STK39: variants seen among roughly 807,000 people sequenced by gnomAD.
STK39 encodes STE20/SPS1-related proline-alanine-rich protein kinase.
STK39 carries 20 observed loss-of-function variants against 77.8 expected under a neutral mutation model. The ratio of observed to expected loss-of-function variants is 0.26; its 90% CI spans 0.18 to 0.37. The LOEUF (loss-of-function observed/expected upper bound fraction) is 0.37. Ranked by LOEUF, STK39 falls within the 10% of genes least tolerant of loss-of-function variation. The pLI is 1.00. For missense variants in STK39, 479 were observed against 656.5 expected (o/e 0.73, Z 2.95); for synonymous variants, 246 against 234.1 (o/e 1.05, Z -0.47).
intron 16 of STK39, among the ~76,000 whole-genome samples, chr2:167,975,127 C>T (rs1198664851): frequency 2.0e-5 from 3 of 152,164 alleles, no homozygotes; most frequent in African/African-American, 7.2e-5. Context: ...CCACCTTGTC[C>T]TTCCTGAGTC....
intron 10 of STK39, among the ~76,000 whole-genome samples, chr2:168,079,060 G>A (rs1391216014): frequency 6.6e-6 from 1 of 152,212 alleles, no homozygotes; most frequent in Non-Finnish European, 1.5e-5. Context: ...ATTAATTGCT[G>A]TTTATCATGT....
At chr2:167,999,475 T>A (rs2105294945) in intron 16 of STK39, among the ~76,000 whole-genome samples, 1 of 152,248 alleles carries the variant, frequency 6.6e-6, no homozygotes, top group South Asian at 2.1e-4. Flanking sequence ...ATTTTTATCT[T>A]TTTTGAGATG....
chr2:168,014,494 A>C (rs1408486847), intron 15 of STK39, among the ~76,000 whole-genome samples: 1 of 151,070 alleles, frequency 6.6e-6, no homozygotes, highest in Admixed American at 6.6e-5. Context: ...AAAAATAAAA[A>C]AAAAACACCT....
intron 5 of STK39, among the ~76,000 whole-genome samples, chr2:168,146,341 G>GT (rs1688139126): frequency 6.6e-6 from 1 of 152,200 alleles, no homozygotes; most frequent in Non-Finnish European, 1.5e-5. Context: ...AACTTCTACA[G>GT]TATCTGCTAT....
At chr2:168,105,541 G>C (rs1686947343) in intron 10 of STK39, among the ~76,000 whole-genome samples, 1 of 152,208 alleles carries the variant, frequency 6.6e-6, no homozygotes. Flanking sequence ...AGGGAGCCTG[G>C]GCTCGAAAGT....
At chr2:168,039,271 T>C (rs1221778349) in intron 14 of STK39, among the ~76,000 whole-genome samples, 1 of 152,058 alleles carries the variant, frequency 6.6e-6, no homozygotes, top group East Asian at 1.9e-4. Flanking sequence ...TAAAAGTCTA[T>C]AAAATTCAAG....
At chr2:168,234,709 T>C (rs557886730) in intron 1 of STK39, among the ~76,000 whole-genome samples, 64 of 152,338 alleles carry the variant, frequency 4.2e-4, no homozygotes, top group Middle Eastern at 3.4e-3. Context: ...TATATTTACA[T>C]ATAACCTGGT....
intron 16 of STK39, among the ~76,000 whole-genome samples, chr2:167,981,048 A>G (rs1683405119): frequency 6.8e-6 from 1 of 146,518 alleles, no homozygotes; most frequent in Non-Finnish European, 1.5e-5. Flanking sequence ...TAGGCCACAG[A>G]GTAAAAAAAA....
intron 1 of STK39, among the ~76,000 whole-genome samples, chr2:168,214,299 T>C (rs1484196993): frequency 6.6e-6 from 1 of 151,766 alleles, no homozygotes; most frequent in Non-Finnish European, 1.5e-5. Context: ...GTACATTTTA[T>C]CTACGTAAAT....
At chr2:167,968,049 T>C (rs1424642874) in intron 16 of STK39, among the ~76,000 whole-genome samples, 3 of 152,088 alleles carry the variant, frequency 2.0e-5, no homozygotes, top group Admixed American at 2.0e-4. Flanking sequence ...TATTTGGTTT[T>C]CTGTCCCTGT....
chr2:168,182,678 T>C (rs564124775), intron 1 of STK39, among the ~76,000 whole-genome samples: 104 of 152,340 alleles, frequency 6.8e-4, no homozygotes, highest in African/African-American at 2.5e-3. Flanking sequence ...TAAGGTTTCA[T>C]GATCATTAGC....
At chr2:168,149,105 G>A (rs1252641251) in intron 5 of STK39, among the ~76,000 whole-genome samples, 3 of 152,196 alleles carry the variant, frequency 2.0e-5, no homozygotes, top group Non-Finnish European at 2.9e-5. Flanking sequence ...TCACCTTATT[G>A]ATATAAGCCA....
intron 2 of STK39, among the ~76,000 whole-genome samples, chr2:168,169,726 CT>C (rs1688777118): frequency 6.6e-6 from 1 of 151,840 alleles, no homozygotes; most frequent in Admixed American, 6.6e-5. Context: ...CTTCAAAACT[CT>C]GAGTCTTAGA....
chr2:168,171,360 G>T (rs567321872), intron 2 of STK39, among the ~76,000 whole-genome samples: 1 of 151,622 alleles, frequency 6.6e-6, no homozygotes, highest in East Asian at 1.9e-4. Flanking sequence ...CATTACGCGC[G>T]TCATGCTAGG....
At chr2:168,143,479 A>G (rs190783314) in intron 5 of STK39, among the ~76,000 whole-genome samples, 12 of 152,176 alleles carry the variant, frequency 7.9e-5, no homozygotes, top group Non-Finnish European at 1.8e-4. Context: ...TTGGGAGGCC[A>G]ATGCAAGTGG....
At chr2:168,096,295 A>C (rs546364030) in intron 10 of STK39, among the ~76,000 whole-genome samples, 1 of 152,322 alleles carries the variant, frequency 6.6e-6, no homozygotes, top group South Asian at 2.1e-4. Context: ...TACCAACAAA[A>C]GGCCTCTGCA....
rs560108958 is a variant in STK39 at position 167,998,426 on chromosome 2, T to C, written c.1498+14208A>G. ...GAACATGAATATTTTACGTATTCTG[T>C]ACTCTATTATAATGATAATAGTTCT... On this transcript the variant is annotated intron_variant, in intron 16 of 17. Coordinates refer to ENST00000355999, the MANE Select transcript of STK39 (RefSeq NM_013233.3). 1.6e-4 allele frequency among the ~76,000 whole-genome samples: 24 copies of C among 152,364 alleles called. No homozygotes were observed. The South Asian group carries it at 4.8e-3, about 30-fold the overall frequency.
chr2:167,970,429 G>A (rs747365136), intron 16 of STK39, among the ~76,000 whole-genome samples: 9 of 152,100 alleles, frequency 5.9e-5, no homozygotes, highest in African/African-American at 1.2e-4. Flanking sequence ...CTAGTACACC[G>A]TATTTGGTAA....
intron 15 of STK39, among the ~76,000 whole-genome samples, chr2:168,015,627 C>A (rs766995400): frequency 3.9e-5 from 6 of 152,210 alleles, no homozygotes; most frequent in Admixed American, 3.9e-4. Context: ...ATATTCACTT[C>A]TTTGTTACCT....
Sources: allele counts gnomAD v4.1 joint callset (sites outside exome capture counted in the v4.1 genomes callset), GRCh38; gene constraint gnomAD v4.1.1; transcripts MANE v1.5; gene names NCBI Gene and HGNC (gene_info 2026-07-23, HGNC 2026-07-21).